Variants in CTNNA2 observed in about 807,000 individuals in gnomAD.
CTNNA2 encodes catenin alpha 2, also known as catenin alpha-2.
CTNNA2 carries 42 observed loss-of-function variants against 101.0 expected under a neutral mutation model. That is an observed-to-expected ratio of 0.42 (90% CI 0.32 to 0.54). The LOEUF (loss-of-function observed/expected upper bound fraction) is 0.54. CTNNA2 is among the 20% of genes least tolerant of loss of function. CTNNA2 has a pLI of 0.14. For synonymous variants in CTNNA2, 450 were observed against 456.4 expected (o/e 0.99, Z 0.18); for missense variants, 871 against 1,223.1 (o/e 0.71, Z 4.29).
chr2:79,745,299 C>T (rs530720618), intron 3 of CTNNA2, among the ~76,000 whole-genome samples: 2 of 152,022 alleles, frequency 1.3e-5, no homozygotes, highest in South Asian at 2.1e-4. Context: ...GGCATGGCAG[C>T]GTGCGCCTGT....
rs1055471902 is a variant in CTNNA2 at position 79,321,532 on chromosome 2, G to A, written c.-318+8736G>A. On this transcript the variant is annotated intron_variant, in intron 3 of 21. Coordinates refer to the CTNNA2 transcript ENST00000466387. ...AGCTGGCTGCTAAGAATTGGCTAGG[G>A]GTTCTCTTTGCTGAGTGTCTGATGA... 4.6e-5 allele frequency among the ~76,000 whole-genome samples: 7 copies of A among 152,252 alleles called. 1 individual carries two copies. The highest frequency in any genetic ancestry group is 2.9e-5 in the Non-Finnish European group (2 of 68,014).
chr2:79,307,066 A>C (rs10195512), intron 2 of CTNNA2, among the ~76,000 whole-genome samples: 27,452 of 152,082 alleles, frequency 0.18, 2,897 homozygotes, highest in African/African-American at 0.29. Flanking sequence ...TAACTATTTA[A>C]TACTTAATAA....
At chr2:79,971,888 G>T (rs1049423134) in intron 7 of CTNNA2, among the ~76,000 whole-genome samples, 1 of 152,152 alleles carries the variant, frequency 6.6e-6, no homozygotes, top group Non-Finnish European at 1.5e-5. Flanking sequence ...CATCTAAGGG[G>T]GTCTTACAAG....
At chr2:79,212,309 T>C (rs1674185900) in intron 2 of CTNNA2, among the ~76,000 whole-genome samples, 1 of 152,082 alleles carries the variant, frequency 6.6e-6, no homozygotes, top group Admixed American at 6.5e-5. Context: ...GACAAGTTTT[T>C]TGGGGCACAG....
chr2:80,332,306 C>T (rs1671408058), intron 7 of CTNNA2, among the ~76,000 whole-genome samples: 1 of 152,136 alleles, frequency 6.6e-6, no homozygotes, highest in Admixed American at 6.5e-5. Context: ...TGGCCCTCAC[C>T]TCCCATGAAG....
chr2:80,265,716 A>G (rs956052697), intron 7 of CTNNA2, among the ~76,000 whole-genome samples: 8 of 152,166 alleles, frequency 5.3e-5, no homozygotes, highest in Non-Finnish European at 7.3e-5. Flanking sequence ...CAGCTAATAT[A>G]TAAGCTCCTA....
rs1672088478 is a variant in CTNNA2, at chr2:79,521,132, AT to A, written c.-6+7926del. Among the ~76,000 whole-genome samples, 51 of 17,414 alleles carry A rather than the reference AT, an allele frequency of 2.9e-3. 4 individuals are homozygous for A. Among genetic ancestry groups the A allele is most frequent in the African/African-American group, 0.01 (46 of 4,550 alleles). 11.4% of individuals were successfully genotyped at this position (17,414 alleles called of 152,430 possible). A position where few individuals can be genotyped will look rare whatever the true frequency, so the allele number is the denominator to read the frequency against. ...GATATATATATATATATATATATAT[AT>A]ATATATATATATATATATATATATA... is the stretch of plus-strand genomic sequence containing the variant. On this transcript the variant is annotated intron_variant, in intron 1 of 18. Coordinates refer to ENST00000402739, the MANE Select transcript of CTNNA2 (RefSeq NM_001282597.3).
At chr2:79,955,083 G>A (rs993762024) in intron 7 of CTNNA2, among the ~76,000 whole-genome samples, 1 of 152,140 alleles carries the variant, frequency 6.6e-6, no homozygotes, top group African/African-American at 2.4e-5. Context: ...CAGTCTGACT[G>A]CACCAGTTTA....
intron 2 of CTNNA2, among the ~76,000 whole-genome samples, chr2:79,724,004 C>T (rs2104878725): frequency 1.3e-5 from 2 of 152,208 alleles, no homozygotes; most frequent in African/African-American, 4.8e-5. Flanking sequence ...GACTTCAGCA[C>T]CAACTGTTTT....
intron 9 of CTNNA2, among the ~76,000 whole-genome samples, chr2:80,463,598 C>T (rs1684625483): frequency 6.6e-6 from 1 of 152,110 alleles, no homozygotes. Flanking sequence ...CGGGTGGATA[C>T]TCAGGATTTG....
At chr2:79,774,028 T>A (rs938884170) in intron 3 of CTNNA2, among the ~76,000 whole-genome samples, 6 of 152,170 alleles carry the variant, frequency 3.9e-5, no homozygotes, top group African/African-American at 1.4e-4. Flanking sequence ...CTTTGTGGCT[T>A]CTCTCATCAA....
chr2:80,267,247 T>A (rs1673071768), intron 7 of CTNNA2, among the ~76,000 whole-genome samples: 2 of 152,090 alleles, frequency 1.3e-5, no homozygotes, highest in African/African-American at 4.8e-5. Flanking sequence ...TATGTGGTGG[T>A]GAAGGGGGTG....
At chr2:80,462,745 C>T (rs962911635) in intron 9 of CTNNA2, among the ~76,000 whole-genome samples, 2 of 147,238 alleles carry the variant, frequency 1.4e-5, no homozygotes, top group Non-Finnish European at 3.0e-5. Context: ...GACACTAGGA[C>T]ATGGTTTGCA....
At chr2:79,347,738 T>C (rs1479899981) in intron 3 of CTNNA2, among the ~76,000 whole-genome samples, 1 of 151,398 alleles carries the variant, frequency 6.6e-6, no homozygotes, top group Non-Finnish European at 1.5e-5. Context: ...CACTCTAAAA[T>C]ACTCGGAAAA....
At chr2:79,915,982 G>A (rs1010210448) in intron 7 of CTNNA2, among the ~76,000 whole-genome samples, 1 of 152,088 alleles carries the variant, frequency 6.6e-6, no homozygotes, top group African/African-American at 2.4e-5. Context: ...CTCCCATATG[G>A]GAAGCATGAA....
intron 3 of CTNNA2, among the ~76,000 whole-genome samples, chr2:79,349,951 G>A (rs1366831747): frequency 6.6e-6 from 1 of 151,786 alleles, no homozygotes; most frequent in African/African-American, 2.4e-5. Context: ...GCGGGCGCCT[G>A]TAGTCCTAGC....
In CTNNA2 at chr2:79,696,212, G is replaced by GA. The variant is rs1384164881; in HGVS notation, c.102+44556dup. 2.0e-5 allele frequency among the ~76,000 whole-genome samples: 3 copies of GA among 152,006 alleles called. No homozygotes were observed. The East Asian group carries it at 5.8e-4, about 29-fold the overall frequency. On this transcript the variant is annotated intron_variant, in intron 2 of 18. Transcript: ENST00000402739. ...TGTGCATTGAGCTACTGCAATCTTG[G>GA]AATTAGTTAAAGGCTTGTAGCCATT...
chr2:79,837,757 T>A (rs181609181), intron 3 of CTNNA2, among the ~76,000 whole-genome samples: 4,832 of 151,934 alleles, frequency 0.032, 97 homozygotes, highest in East Asian at 0.087. Flanking sequence ...TGTTTTTTTT[T>A]AAAAAAAATC....
chr2:80,533,480 T>C (rs560073816), intron 9 of CTNNA2, among the ~76,000 whole-genome samples: 1 of 152,290 alleles, frequency 6.6e-6, no homozygotes, highest in African/African-American at 2.4e-5. Flanking sequence ...GACTCCACAC[T>C]TCCACTTGTC....
Sources: gnomAD v4.1 joint callset for allele counts (sites outside exome capture counted in the v4.1 genomes callset) on GRCh38, gnomAD v4.1.1 for gene constraint, MANE v1.5 for transcripts, NCBI Gene and HGNC (gene_info 2026-07-23, HGNC 2026-07-21) for gene names.